NLGN1: variants seen among roughly 807,000 people sequenced by gnomAD.
NLGN1 encodes the protein neuroligin-1.
Under a neutral mutation model 65.5 loss-of-function variants are expected in NLGN1, and 12 were observed. The observed-to-expected ratio is 0.18, with a 90% CI of 0.12 to 0.30. The LOEUF (loss-of-function observed/expected upper bound fraction) is 0.30, where lower values mean the gene tolerates loss of function less well. Among genes scored for constraint, NLGN1 ranks in the 10% least tolerant of loss-of-function variants. The pLI is 1.00. For missense variants in NLGN1, 750 were observed against 1,007.1 expected (o/e 0.74, Z 3.46); for synonymous variants, 350 against 359.5 (o/e 0.97, Z 0.30).
chr3:173,544,259 C>CGTGTGT (rs3980148), intron 2 of NLGN1, among the ~76,000 whole-genome samples: 11,033 of 144,068 alleles, frequency 0.077, 462 homozygotes, highest in Middle Eastern at 0.12. Context: ...GATTATATTA[C>CGTGTGT]GTGTGTGTGT....
chr3:173,577,763 A>C (rs2149353099), intron 2 of NLGN1, among the ~76,000 whole-genome samples: 1 of 152,338 alleles, frequency 6.6e-6, no homozygotes, highest in South Asian at 2.1e-4. Flanking sequence ...ATCTTAGAAA[A>C]ATATATCATC....
chr3:173,924,144 AATC>A (rs1157493240), intron 4 of NLGN1, among the ~76,000 whole-genome samples: 2 of 152,148 alleles, frequency 1.3e-5, no homozygotes, highest in African/African-American at 4.8e-5. Context: ...TTTGTTTAGT[AATC>A]ATCAAATGTA....
At chr3:173,982,093 C>A (rs1357105932) in intron 4 of NLGN1, among the ~76,000 whole-genome samples, 1 of 152,010 alleles carries the variant, frequency 6.6e-6, no homozygotes, top group African/African-American at 2.4e-5. Flanking sequence ...GATGTCGCAG[C>A]ATTAATTGAC....
intron 2 of NLGN1, among the ~76,000 whole-genome samples, chr3:173,544,317 A>G (rs1027670900): frequency 1.0e-4 from 15 of 148,984 alleles, no homozygotes; most frequent in African/African-American, 3.5e-4. Flanking sequence ...CTGTGTGGAG[A>G]ATGGTTTATA....
chr3:173,513,327 C>G (rs1577051968), intron 2 of NLGN1, among the ~76,000 whole-genome samples: 1 of 152,112 alleles, frequency 6.6e-6, no homozygotes, highest in Admixed American at 6.5e-5. Context: ...TTTCTAGACA[C>G]TTTTGGAACA....
At chr3:173,548,754 T>C (rs1274856429) in intron 2 of NLGN1, among the ~76,000 whole-genome samples, 2 of 151,924 alleles carry the variant, frequency 1.3e-5, no homozygotes, top group Admixed American at 6.6e-5. Flanking sequence ...TATGAAAGTA[T>C]ATATGTATAT....
At chr3:173,872,207 A>G (rs984911468) in intron 4 of NLGN1, among the ~76,000 whole-genome samples, 16 of 152,218 alleles carry the variant, frequency 1.1e-4, no homozygotes, top group Non-Finnish European at 1.6e-4. Flanking sequence ...TCTAAGCCAA[A>G]CAGGCAGGAG....
intron 3 of NLGN1, among the ~76,000 whole-genome samples, chr3:173,692,904 G>A (rs1222073434): frequency 6.6e-6 from 1 of 152,022 alleles, no homozygotes; most frequent in Non-Finnish European, 1.5e-5. Context: ...GTACTATATA[G>A]AGTCAAAAGC....
At chr3:173,867,047 A>G (rs2150843153) in intron 4 of NLGN1, among the ~76,000 whole-genome samples, 1 of 152,306 alleles carries the variant, frequency 6.6e-6, no homozygotes, top group East Asian at 1.9e-4. Flanking sequence ...CCAACAGCAC[A>G]GTCTGTCTGT....
intron 1 of NLGN1, among the ~76,000 whole-genome samples, chr3:173,401,537 A>G (rs1414910188): frequency 1.3e-5 from 2 of 151,646 alleles, no homozygotes; most frequent in East Asian, 3.9e-4. Flanking sequence ...TTCTCTGAGC[A>G]TTGTGTCTTT....
At position 173,485,929 on chromosome 3, in the gene NLGN1, C is replaced by T. The variant is rs372061922; in HGVS notation, c.-321+50851C>T. ...AAATGTCACATTTCTTTCTTTAGGT[C>T]TTATCTTTTTGTTTTGTTTTTTGTT... On this transcript the variant is annotated intron_variant, in intron 2 of 6. Transcript: ENST00000457714. 1.6e-4 allele frequency among the ~76,000 whole-genome samples: 24 copies of T among 152,052 alleles called. No homozygotes were observed. The East Asian group carries it at 4.4e-3, about 28-fold the overall frequency.
At chr3:173,699,285 A>T (rs1186496305) in intron 3 of NLGN1, among the ~76,000 whole-genome samples, 1 of 152,198 alleles carries the variant, frequency 6.6e-6, no homozygotes, top group Non-Finnish European at 1.5e-5. Flanking sequence ...ACACAAACTA[A>T]ATGTTACCAA....
At chr3:174,100,653 C>T (rs1185855968) in intron 4 of NLGN1, among the ~76,000 whole-genome samples, 1 of 152,070 alleles carries the variant, frequency 6.6e-6, no homozygotes, top group Non-Finnish European at 1.5e-5. Flanking sequence ...CTTAAGCCAC[C>T]AGGCTTCACA....
At chr3:174,202,842 G>T (rs921262946) in intron 4 of NLGN1, 5 of 152,222 alleles carry the variant, frequency 3.3e-5, no homozygotes, top group Non-Finnish European at 7.3e-5. Context: ...ACCCAAGGAA[G>T]TCAATGAGAG....
intron 4 of NLGN1, among the ~76,000 whole-genome samples, chr3:174,131,995 T>G (rs960557624): frequency 2.0e-5 from 3 of 152,210 alleles, no homozygotes; most frequent in African/African-American, 7.2e-5. Flanking sequence ...GGCTTCACCT[T>G]GTTTCATCTG....
At chr3:173,556,285 A>G (rs1350110120) in intron 2 of NLGN1, among the ~76,000 whole-genome samples, 2 of 152,178 alleles carry the variant, frequency 1.3e-5, no homozygotes, top group Non-Finnish European at 2.9e-5. Flanking sequence ...TCTGTGTACA[A>G]GCACACATTC....
In NLGN1 at chr3:173,818,895, C is replaced by CTTTTTTTTTTTTTTTTTTTT. The variant is rs200212547; in HGVS notation, c.646+11079_646+11080insTTTTTTTTTTTTTTTTTTTT. ...AATTTTGTTCTGCCTTTGAATAGTT[C>CTTTTTTTTTTTTTTTTTTTT]TTTTTTTTTTTTTTTTCCAGTAAGG... On this transcript the variant is annotated intron_variant, in intron 4 of 6. Coordinates refer to ENST00000457714, the Ensembl canonical transcript of NLGN1. 4.3e-4 allele frequency among the ~76,000 whole-genome samples: 40 copies of CTTTTTTTTTTTTTTTTTTTT among 92,384 alleles called. 6 individuals are homozygous for CTTTTTTTTTTTTTTTTTTTT. Among genetic ancestry groups the CTTTTTTTTTTTTTTTTTTTT allele is most frequent in the African/African-American group, 1.3e-3 (27 of 21,218 alleles). 60.6% of individuals were successfully genotyped at this position (92,384 alleles called of 152,430 possible).
chr3:173,907,582 C>CTTTTTT (rs561283815), intron 4 of NLGN1, among the ~76,000 whole-genome samples: 4 of 120,682 alleles, frequency 3.3e-5, no homozygotes, highest in Non-Finnish European at 5.0e-5. Flanking sequence ...CTCTCTCTCT[C>CTTTTTT]TTTTTTTTTT....
chr3:173,426,062 T>C (rs1427985744), intron 1 of NLGN1, among the ~76,000 whole-genome samples: 2 of 152,170 alleles, frequency 1.3e-5, no homozygotes, highest in African/African-American at 4.8e-5. Flanking sequence ...GTGAAATTTA[T>C]TCCTAGGTAT....
Sources: gnomAD v4.1 joint callset for allele counts (sites outside exome capture counted in the v4.1 genomes callset) on GRCh38, gnomAD v4.1.1 for gene constraint, MANE v1.5 for transcripts, NCBI Gene and HGNC (gene_info 2026-07-23, HGNC 2026-07-21) for gene names.